The following CDH13 variants were observed in gnomAD, a reference collection of about 807,000 sequenced individuals.
CDH13 encodes the protein cadherin-13.
CDH13 carries 24 observed loss-of-function variants against 63.8 expected under a neutral mutation model. The observed-to-expected ratio is 0.38, with a 90% CI of 0.27 to 0.53. The LOEUF (loss-of-function observed/expected upper bound fraction) is 0.53, where lower values mean the gene tolerates loss of function less well. Ranked by LOEUF, CDH13 falls within the 20% of genes least tolerant of loss-of-function variation. The probability of loss-of-function intolerance (pLI) is 0.85; values close to 1 mark genes in which losing one functional copy is unlikely to be tolerated. For missense variants in CDH13, 1,049 were observed against 903.1 expected (o/e 1.16, Z -2.07); for synonymous variants, 503 against 355.3 (o/e 1.42, Z -4.67).
intron 2 of CDH13, among the ~76,000 whole-genome samples, chr16:82,892,708 C>T (rs1035345326): frequency 6.6e-6 from 1 of 152,118 alleles, no homozygotes; most frequent in Non-Finnish European, 1.5e-5. Context: ...AGAGAAACAA[C>T]TATTTGAAAT....
intron 4 of CDH13, among the ~76,000 whole-genome samples, chr16:83,215,815 C>T (rs2151785251): frequency 6.6e-6 from 1 of 152,080 alleles, no homozygotes; most frequent in South Asian, 2.1e-4. Flanking sequence ...TCTGTGTGTC[C>T]TGAATGATTA....
chr16:82,761,017 C>CTTTTTTTTTTTTTTGTTTTTTTTT, intron 1 of CDH13, among the ~76,000 whole-genome samples: 1 of 40,452 alleles, frequency 2.5e-5, no homozygotes, highest in Non-Finnish European at 4.6e-5. Context: ...TTCTTTCTTT[C>CTTTTTTTTTTTTTTGTTTTTTTTT]TTTTTTTTTT....
chr16:82,956,247 C>T (rs926818018), intron 2 of CDH13, among the ~76,000 whole-genome samples: 6 of 152,128 alleles, frequency 3.9e-5, no homozygotes. Context: ...CATCATTTAA[C>T]CTTCTACTTC....
chr16:83,210,915 C>T (rs142013607), intron 4 of CDH13, among the ~76,000 whole-genome samples: 2 of 151,250 alleles, frequency 1.3e-5, no homozygotes, highest in South Asian at 2.1e-4. Flanking sequence ...TTTGGGAGGC[C>T]GAGGCAGGCA....
intron 1 of CDH13, among the ~76,000 whole-genome samples, chr16:82,665,833 G>C (rs1038682532): frequency 2.0e-5 from 3 of 152,062 alleles, no homozygotes; most frequent in African/African-American, 4.8e-5. Context: ...GCCTACAGGA[G>C]GGCAAAATCA....
Position 83,593,269 on chromosome 16 carries a change from A to C in CDH13, c.961-9185A>C, listed in dbSNP as rs1029106836. On this transcript the variant is annotated intron_variant, in intron 7 of 13. Transcript: ENST00000567109. ...TATGTAGCTCATGTTAATGTTTCTC[A>C]TTAACGATACCTTAAATGTTAGACT... Among the ~76,000 whole-genome samples, 7 of 152,190 alleles carry C rather than the reference A, an allele frequency of 4.6e-5. No homozygotes were observed. In the East Asian group the frequency reaches 1.2e-3, roughly 25 times the overall value.
chr16:83,017,647 A>G (rs1597147228), intron 2 of CDH13, among the ~76,000 whole-genome samples: 2 of 152,194 alleles, frequency 1.3e-5, no homozygotes, highest in South Asian at 2.1e-4. Context: ...TGCTTCATAA[A>G]TGGTAGGTAT....
chr16:83,392,592 C>A (rs17285382), intron 6 of CDH13, among the ~76,000 whole-genome samples: 1 of 151,916 alleles, frequency 6.6e-6, no homozygotes, highest in African/African-American at 2.4e-5. Context: ...GGTGTGCACA[C>A]AGAAGGTACT....
chr16:82,730,786 C>A (rs1434265235), intron 1 of CDH13, among the ~76,000 whole-genome samples: 1 of 152,118 alleles, frequency 6.6e-6, no homozygotes, highest in African/African-American at 2.4e-5. Context: ...TTTCAGTTGG[C>A]TTAAGGTAAT....
intron 10 of CDH13, among the ~76,000 whole-genome samples, chr16:83,729,215 T>C (rs1474891085): frequency 1.3e-5 from 2 of 152,186 alleles, no homozygotes; most frequent in African/African-American, 2.4e-5. Flanking sequence ...AAAATGGATA[T>C]ATTATTTATG....
chr16:83,419,927 T>A lies in CDH13; in HGVS notation c.782-66550T>A, dbSNP rs995036988. Among the ~76,000 whole-genome samples the A allele has an allele frequency of 1.4e-3, 205 of 148,036 alleles. 2 individuals are homozygous for A. The highest frequency in any genetic ancestry group is 7.1e-3 in the Middle Eastern group (2 of 280). On this transcript the variant is annotated intron_variant, in intron 6 of 13. Transcript: ENST00000567109. Reference sequence around the variant, plus strand: ...GAATCGTCCAATCTTTTTTTTTTTTTAAAAAAAAGTTTTGTATGTATGTGT... The same window carrying A: ...GAATCGTCCAATCTTTTTTTTTTTTAAAAAAAAAGTTTTGTATGTATGTGT...
intron 5 of CDH13, among the ~76,000 whole-genome samples, chr16:83,271,422 T>TTAAAAAAAAAAAAA (rs1555522986): frequency 0.034 from 890 of 26,024 alleles, 297 homozygotes; most frequent in Non-Finnish European, 0.043. Flanking sequence ...GCAGAGTTCA[T>TTAAAAAAAAAAAAA]AAAAAAAAAA....
rs116508321 is a variant in CDH13 at position 82,867,327 on chromosome 16, G to A, written c.157+8854G>A. On this transcript the variant is annotated intron_variant, in intron 2 of 13. Transcript: ENST00000567109. ...ATACATCAAGGAAATTTGCCGGTGT[G>A]TTTTCCCATCACTTTTATCAACCAG... 9.2e-3 allele frequency among the ~76,000 whole-genome samples: 1,398 copies of A among 152,262 alleles called. 23 individuals carry two copies. Among genetic ancestry groups the A allele is most frequent in the African/African-American group, 0.032 (1,322 of 41,534 alleles).
At chr16:83,358,282 G>C (rs1170566115) in intron 6 of CDH13, among the ~76,000 whole-genome samples, 1 of 152,144 alleles carries the variant, frequency 6.6e-6, no homozygotes, top group Non-Finnish European at 1.5e-5. Context: ...CCTAGGAAGA[G>C]TACCCTGTAT....
chr16:83,005,483 T>C (rs975029976), intron 2 of CDH13, among the ~76,000 whole-genome samples: 16 of 152,076 alleles, frequency 1.1e-4, no homozygotes, highest in African/African-American at 3.9e-4. Flanking sequence ...GCTAGGCCAC[T>C]CCCACCAACA....
At chr16:82,697,970 C>G (rs1391168991) in intron 1 of CDH13, among the ~76,000 whole-genome samples, 2 of 152,040 alleles carry the variant, frequency 1.3e-5, no homozygotes, top group East Asian at 1.9e-4. Context: ...CATAGATGAG[C>G]TCCTTGAGGA....
At chr16:83,407,687 T>A (rs911929750) in intron 6 of CDH13, among the ~76,000 whole-genome samples, 1 of 152,238 alleles carries the variant, frequency 6.6e-6, no homozygotes, top group African/African-American at 2.4e-5. Flanking sequence ...AGTTTACTCA[T>A]TTTTAATTTA....
At chr16:83,775,703 G>A (rs1184309419) in intron 11 of CDH13, among the ~76,000 whole-genome samples, 11 of 151,646 alleles carry the variant, frequency 7.3e-5, no homozygotes, top group Admixed American at 6.6e-4. Context: ...GAGACAGAGC[G>A]AGACGCTCTG....
intron 5 of CDH13, among the ~76,000 whole-genome samples, chr16:83,304,201 G>C (rs987440699): frequency 2.0e-5 from 3 of 152,084 alleles, no homozygotes; most frequent in Non-Finnish European, 2.9e-5. Flanking sequence ...AAGAAATGTG[G>C]GTTTTATCCC....
Sources: gnomAD v4.1 joint callset for allele counts (sites outside exome capture counted in the v4.1 genomes callset) on GRCh38, gnomAD v4.1.1 for gene constraint, MANE v1.5 for transcripts, NCBI Gene and HGNC (gene_info 2026-07-23, HGNC 2026-07-21) for gene names.